Variants in TMC5 observed in about 807,000 individuals in gnomAD.
TMC5 encodes the protein transmembrane channel-like protein 5.
TMC5 carries 86 observed loss-of-function variants against 110.5 expected under a neutral mutation model. The observed-to-expected ratio is 0.78, with a 90% CI of 0.65 to 0.93. The LOEUF is 0.93. Ranked by LOEUF, TMC5 falls within the 40% of genes least tolerant of loss-of-function variation. The pLI, the probability that TMC5 is intolerant of heterozygous loss-of-function variation, is 0.00. For synonymous variants in TMC5, 455 were observed against 439.5 expected (o/e 1.04, Z -0.44); for missense variants, 1,144 against 1,222.8 (o/e 0.94, Z 0.96).
chr16:19,457,176 G>GCC (rs946706165), intron 5 of TMC5, among the ~76,000 whole-genome samples: 8 of 152,166 alleles, frequency 5.3e-5, no homozygotes, highest in Non-Finnish European at 1.0e-4. Context: ...GAACACTTGA[G>GCC]CCCAGGTGTT....
At chr16:19,413,805 G>A (rs986120285), upstream of TMC5, among the ~76,000 whole-genome samples, 3 of 152,084 alleles carry the variant, frequency 2.0e-5, no homozygotes, top group African/African-American at 7.2e-5. Flanking sequence ...TTAAAATCCT[G>A]CCTCTGCCAC....
intron 11 of TMC5, 90 bp from the exon 12 acceptor site, chr16:19,474,035 C>T (rs1028776911): frequency 8.2e-5 from 106 of 1,298,408 alleles, no homozygotes; most frequent in Admixed American, 2.6e-4. Context: ...AGCTACTTCT[C>T]GGGTTTTCTA....
chr16:19,460,099 TCC>T, intron 5 of TMC5, 134 bp from the exon 6 acceptor site: 1 of 548,664 alleles, frequency 1.8e-6, no homozygotes, highest in Non-Finnish European at 3.2e-6. Flanking sequence ...TTTGTTGTTT[TCC>T]TTTGTGATCT....
intron 18 of TMC5, among the ~76,000 whole-genome samples, 180 bp from the exon 19 acceptor site, chr16:19,491,970 C>G (rs1968918633): frequency 6.6e-6 from 1 of 152,164 alleles, no homozygotes; most frequent in Admixed American, 6.5e-5. Context: ...CTTATTTCCC[C>G]CTTCAGGAAC....
Position 19,444,073 on chromosome 16 carries a change from G to C in TMC5, c.789-8G>C. ...GGTTGGATAGTGATCCATCATTTTG[G>C]ATTTTAGGGTGCTCAGCAGAACATC... is the stretch of plus-strand genomic sequence containing the variant. On this transcript the variant is annotated splice_polypyrimidine_tract_variant and splice_region_variant and intron_variant, in intron 3 of 21. Transcript: ENST00000542583. 6.2e-7 allele frequency: 1 copy of C among 1,611,610 alleles called. No individual in the cohort carries two copies. Among genetic ancestry groups the C allele is most frequent in the Non-Finnish European group, 8.5e-7 (1 of 1,178,232 alleles).
chr16:19,485,605 T>C (rs1968721147), intron 15 of TMC5, among the ~76,000 whole-genome samples: 1 of 152,224 alleles, frequency 6.6e-6, no homozygotes, highest in Non-Finnish European at 1.5e-5. Flanking sequence ...GCCTCTCACA[T>C]ATATTTTTAA....
At chr16:19,471,852 C>T (rs1968349976) in intron 10 of TMC5, among the ~76,000 whole-genome samples, 1 of 152,178 alleles carries the variant, frequency 6.6e-6, no homozygotes, top group African/African-American at 2.4e-5. Context: ...CCTCCACCTC[C>T]TGGGTTCAAG....
intron 12 of TMC5, chr16:19,477,050 T>C (rs1190562664): frequency 4.7e-6 from 1 of 210,892 alleles, no homozygotes; most frequent in African/African-American, 2.4e-5. Context: ...ATCGAGACCA[T>C]CCTGGCTAAC....
chr16:19,494,668 G>A (rs11866183), intron 20 of TMC5, among the ~76,000 whole-genome samples: 20,694 of 151,986 alleles, frequency 0.14, 1,995 homozygotes, highest in East Asian at 0.39. Flanking sequence ...TTAGCTGGGT[G>A]TGGTGGCACG....
chr16:19,442,257 C>T (rs993147154), intron 3 of TMC5, among the ~76,000 whole-genome samples: 1 of 151,818 alleles, frequency 6.6e-6, no homozygotes, highest in African/African-American at 2.4e-5. Flanking sequence ...GTCTGGGTTA[C>T]TTAGTTCTAC....
chr16:19,417,108 A>AAAAAAAAT (rs1343647437), upstream of TMC5, among the ~76,000 whole-genome samples: 2 of 149,580 alleles, frequency 1.3e-5, no homozygotes, highest in Non-Finnish European at 3.0e-5. Context: ...AAAAAAAAAA[A>AAAAAAAAT]AAAAAAGAAG....
At chr16:19,436,774 A>G (rs970702780) in intron 2 of TMC5, among the ~76,000 whole-genome samples, 7 of 152,172 alleles carry the variant, frequency 4.6e-5, no homozygotes, top group Non-Finnish European at 1.0e-4. Context: ...TGACAATGTC[A>G]TCAACATCTG....
rs769855815 is a variant in TMC5 at position 19,440,856 on chromosome 16, G to C, written c.788+30G>C. On this transcript the variant is annotated intron_variant, in intron 3 of 21. Transcript: ENST00000542583. ...GTTCAGATATATATCCCTTCACTGG[G>C]AGTGGATGCTGAGTGCTGAATCATT... 4 of 1,587,264 alleles carry C rather than the reference G, an allele frequency of 2.5e-6. No homozygotes were observed. The African/African-American group carries it at 5.4e-5, about 21-fold the overall frequency.
chr16:19,458,513 CAG>C (rs1262824055), intron 5 of TMC5, among the ~76,000 whole-genome samples: 1 of 152,056 alleles, frequency 6.6e-6, no homozygotes, highest in Admixed American at 6.6e-5. Context: ...ATGCCCGGCC[CAG>C]AGATGCTGTT....
At chr16:19,469,452 A>G (rs1968269413) in intron 9 of TMC5, among the ~76,000 whole-genome samples, 1 of 152,184 alleles carries the variant, frequency 6.6e-6, no homozygotes, top group South Asian at 2.1e-4. Flanking sequence ...TCACAAGACA[A>G]AAATCCCCCA....
intron 11 of TMC5, among the ~76,000 whole-genome samples, chr16:19,472,549 A>G (rs749577887): frequency 7.2e-5 from 11 of 152,158 alleles, no homozygotes; most frequent in Non-Finnish European, 1.2e-4. Context: ...GTGCACCTGT[A>G]GTTCTGGCTA....
intron 13 of TMC5, among the ~76,000 whole-genome samples, chr16:19,478,996 G>T (rs1390920767): frequency 6.6e-6 from 1 of 152,142 alleles, no homozygotes; most frequent in Non-Finnish European, 1.5e-5. Context: ...AAACCTCTAG[G>T]CCACTTTCTT....
At chr16:19,468,890 G>A (rs1294695542) in intron 9 of TMC5, among the ~76,000 whole-genome samples, 1 of 152,188 alleles carries the variant, frequency 6.6e-6, no homozygotes, top group Non-Finnish European at 1.5e-5. Context: ...TACTTTGGAG[G>A]CTGTGGCGTG....
chr16:19,456,499 G>C (rs1271881981), intron 5 of TMC5: 1 of 1,291,840 alleles, frequency 7.7e-7, no homozygotes, highest in Non-Finnish European at 9.8e-7. Flanking sequence ...AACTCCTCAG[G>C]GGTTAGATGC....
Sources: allele counts gnomAD v4.1 joint callset (sites outside exome capture counted in the v4.1 genomes callset), GRCh38; gene constraint gnomAD v4.1.1; transcripts MANE v1.5; gene names NCBI Gene and HGNC (gene_info 2026-07-23, HGNC 2026-07-21).